Variants in RIT2 observed in about 807,000 individuals in gnomAD.
RIT2 encodes the protein GTP-binding protein Rit2.
Under a neutral mutation model 23.7 loss-of-function variants are expected in RIT2, and 24 were observed. The observed-to-expected ratio is 1.01, with a 90% CI of 0.73 to 1.43. RIT2 has a LOEUF of 1.43. RIT2 is among the 40% of genes most tolerant of loss of function. The pLI is 0.00. For missense variants in RIT2, 236 were observed against 266.9 expected (o/e 0.88, Z 0.81); for synonymous variants, 107 against 91.1 (o/e 1.17, Z -0.99).
chr18:43,060,010 G>T (rs1223546014), intron 1 of RIT2, among the ~76,000 whole-genome samples: 1 of 152,094 alleles, frequency 6.6e-6, no homozygotes, highest in Non-Finnish European at 1.5e-5. Context: ...GGGACAATTA[G>T]GCTTAAAGCA....
In RIT2 at chr18:42,967,376, T is replaced by G. The variant is rs138163006; in HGVS notation, c.234+6698A>C. ...AAATGGTCATCTTGTAAAAGGTGGT[T>G]GTTGTTGTTTTGAGACAGAGTCTCG... On this transcript the variant is annotated intron_variant, in intron 3 of 4. Coordinates refer to ENST00000326695, the MANE Select transcript of RIT2 (RefSeq NM_002930.4). Among the ~76,000 whole-genome samples, 128 of 151,892 alleles carry G rather than the reference T, an allele frequency of 8.4e-4. No individual in the cohort carries two copies. The East Asian group carries it at 0.015, about 18-fold the overall frequency.
chr18:42,875,686 G>GA (rs1227085810), intron 4 of RIT2, among the ~76,000 whole-genome samples: 1 of 151,904 alleles, frequency 6.6e-6, no homozygotes, highest in East Asian at 1.9e-4. Context: ...GATAGCTTCA[G>GA]AAAAAATGGA....
intron 4 of RIT2, among the ~76,000 whole-genome samples, chr18:42,775,118 A>T (rs765793842): frequency 6.6e-6 from 1 of 152,186 alleles, no homozygotes; most frequent in East Asian, 1.9e-4. Flanking sequence ...TCTTACATAC[A>T]TTAAATTTAT....
chr18:42,753,506 G>A (rs1913093931), intron 4 of RIT2, among the ~76,000 whole-genome samples: 1 of 152,146 alleles, frequency 6.6e-6, no homozygotes, highest in Non-Finnish European at 1.5e-5. Flanking sequence ...ACTGGGTGCT[G>A]TTAAAATGCT....
intron 1 of RIT2, among the ~76,000 whole-genome samples, chr18:43,108,047 GAC>G (rs1237558513): frequency 2.0e-5 from 3 of 151,132 alleles, no homozygotes; most frequent in African/African-American, 7.3e-5. Context: ...GGTGGCGGGT[GAC>G]TGTAGTCCCA....
intron 4 of RIT2, among the ~76,000 whole-genome samples, chr18:42,901,232 G>A (rs1005631458): frequency 1.3e-5 from 2 of 151,996 alleles, no homozygotes; most frequent in Non-Finnish European, 2.9e-5. Context: ...AAAATGGGAA[G>A]GATGCATAAA....
chr18:43,086,396 C>A (rs1023455115), intron 1 of RIT2, among the ~76,000 whole-genome samples: 31 of 152,092 alleles, frequency 2.0e-4, no homozygotes, highest in African/African-American at 7.2e-4. Context: ...AAACATGCAA[C>A]CTACCAAGAC....
At position 42,766,985 on chromosome 18, in the gene RIT2, T is replaced by A. The variant is rs144088248; in HGVS notation, c.427-23265A>T. Among the ~76,000 whole-genome samples the A allele has an allele frequency of 9.5e-4, 144 of 152,218 alleles. 1 individual carries two copies. In the East Asian group the frequency reaches 0.017, roughly 18 times the overall value. On this transcript the variant is annotated intron_variant, in intron 4 of 4. Transcript: ENST00000326695. ...GCCTCCGCCTAGATTTCAGAAGATG[T>A]ATGGAAATGCCTGGATGCCCAGGCA... is the stretch of plus-strand genomic sequence containing the variant.
chr18:43,067,185 G>T (rs536074810), intron 1 of RIT2, among the ~76,000 whole-genome samples: 1 of 152,070 alleles, frequency 6.6e-6, no homozygotes, highest in Non-Finnish European at 1.5e-5. Context: ...CTAGTTAGTA[G>T]GACACCACAC....
chr18:43,044,138 A>G (rs1233783243), intron 1 of RIT2, among the ~76,000 whole-genome samples: 1 of 152,196 alleles, frequency 6.6e-6, no homozygotes, highest in East Asian at 1.9e-4. Context: ...TACTAAGAAT[A>G]GTAAAATAGG....
intron 1 of RIT2, among the ~76,000 whole-genome samples, chr18:43,098,946 A>T (rs1363948440): frequency 6.6e-6 from 1 of 152,030 alleles, no homozygotes; most frequent in African/African-American, 2.4e-5. Flanking sequence ...ACATAGAGAA[A>T]CAGGATGGCA....
chr18:42,782,796 A>C (rs1224120342), intron 4 of RIT2, among the ~76,000 whole-genome samples: 1 of 152,136 alleles, frequency 6.6e-6, no homozygotes, highest in African/African-American at 2.4e-5. Context: ...TGTTTCAATG[A>C]CAAGACAGAG....
At chr18:43,090,452 A>T (rs1913395912) in intron 1 of RIT2, among the ~76,000 whole-genome samples, 1 of 152,160 alleles carries the variant, frequency 6.6e-6, no homozygotes, top group South Asian at 2.1e-4. Flanking sequence ...CATGTGGAAG[A>T]CAGTGTGGCA....
chr18:42,832,397 AC>A (rs1906484193), intron 4 of RIT2, among the ~76,000 whole-genome samples: 1 of 152,164 alleles, frequency 6.6e-6, no homozygotes, highest in East Asian at 1.9e-4. Flanking sequence ...ACTTGATCCC[AC>A]CCATAATGAT....
At chr18:42,970,154 C>A (rs762642323) in intron 3 of RIT2, among the ~76,000 whole-genome samples, 5 of 151,916 alleles carry the variant, frequency 3.3e-5, no homozygotes, top group Non-Finnish European at 7.4e-5. Flanking sequence ...ATGAGCCTTG[C>A]ATTTTCCACG....
chr18:42,979,833 T>C (rs1910555992), intron 2 of RIT2, among the ~76,000 whole-genome samples: 2 of 152,206 alleles, frequency 1.3e-5, no homozygotes, highest in African/African-American at 4.8e-5. Flanking sequence ...ATTGAATTTA[T>C]AATCTTGTGG....
At chr18:42,889,054 T>C (rs1254302037) in intron 4 of RIT2, among the ~76,000 whole-genome samples, 1 of 152,040 alleles carries the variant, frequency 6.6e-6, no homozygotes, top group Non-Finnish European at 1.5e-5. Flanking sequence ...TGTTTCTAAA[T>C]GAAAATTGAA....
Position 42,743,621 on chromosome 18 carries a change from C to T in RIT2, c.526G>A (p.Gly176Ser). Residue 176 changes from glycine to serine, a missense_variant, in exon 5 of 5, where the codon GGC becomes AGC. Coordinates refer to ENST00000326695, the MANE Select transcript of RIT2 (RefSeq NM_002930.4). ...LRFCIDDAFH[G>S]LVREIRKKES... ...TTCTTGCGAATTTCCCTCACTAAGC[C>T]ATGAAAAGCATCATCAATACAGAAT... 1.2e-6 allele frequency: 2 copies of T among 1,614,008 alleles called. No homozygotes were observed. The highest frequency in any genetic ancestry group is 1.7e-6 in the Non-Finnish European group (2 of 1,179,978).
chr18:42,890,768 A>G (rs1908150882), intron 4 of RIT2, among the ~76,000 whole-genome samples: 1 of 152,142 alleles, frequency 6.6e-6, no homozygotes, highest in Non-Finnish European at 1.5e-5. Flanking sequence ...CAAGTCTAAA[A>G]AAAAATTATA....
Sources: gnomAD v4.1 joint callset for allele counts (sites outside exome capture counted in the v4.1 genomes callset) on GRCh38, gnomAD v4.1.1 for gene constraint, MANE v1.5 for transcripts, NCBI Gene and HGNC (gene_info 2026-07-23, HGNC 2026-07-21) for gene names.